TECTA: variants seen among roughly 807,000 people sequenced by gnomAD.
TECTA encodes tectorin alpha.
Under a neutral mutation model 216.8 loss-of-function variants are expected in TECTA, and 128 were observed. That is an observed-to-expected ratio of 0.59 (90% confidence interval 0.51 to 0.68). The LOEUF (loss-of-function observed/expected upper bound fraction) is 0.68. Ranked by LOEUF, TECTA falls within the 30% of genes least tolerant of loss-of-function variation. The pLI, the probability that TECTA is intolerant of heterozygous loss-of-function variation, is 0.00. For missense variants in TECTA, 2,551 were observed against 2,786.2 expected (o/e 0.92, Z 1.90); for synonymous variants, 1,089 against 1,117.1 (o/e 0.97, Z 0.50).
At chr11:121,153,581 C>T (rs895498695) in intron 13 of TECTA, among the ~76,000 whole-genome samples, 2 of 152,302 alleles carry the variant, frequency 1.3e-5, no homozygotes, top group African/African-American at 4.8e-5. Flanking sequence ...CTGTGGCTGC[C>T]ATCTCCACGT....
At chr11:121,155,064 G>T (rs1159941501) in intron 13 of TECTA, among the ~76,000 whole-genome samples, 1 of 152,132 alleles carries the variant, frequency 6.6e-6, no homozygotes, top group Non-Finnish European at 1.5e-5. Flanking sequence ...AGAGAACAAA[G>T]AATCCACATC....
intron 16 of TECTA, among the ~76,000 whole-genome samples, chr11:121,164,683 CTT>C: frequency 6.6e-6 from 1 of 152,080 alleles, no homozygotes; most frequent in Non-Finnish European, 1.5e-5. Context: ...TCCTTTGTCT[CTT>C]TTTACAAAAT....
At chr11:121,174,849 A>G (rs931799819) in intron 20 of TECTA, among the ~76,000 whole-genome samples, 2 of 152,200 alleles carry the variant, frequency 1.3e-5, no homozygotes, top group African/African-American at 4.8e-5. Context: ...TAAGCTATTG[A>G]TTATTTCCAC....
At chr11:121,168,276 G>A in intron 19 of TECTA, 59 bp downstream of exon 19, 1 of 1,608,438 alleles carries the variant, frequency 6.2e-7, no homozygotes, top group Non-Finnish European at 8.5e-7. Context: ...GTTAAGGTTA[G>A]CATAATCAAA....
At chr11:121,177,418 A>T (rs538780849) in intron 20 of TECTA, among the ~76,000 whole-genome samples, 157 of 152,116 alleles carry the variant, frequency 1.0e-3, no homozygotes, top group African/African-American at 3.5e-3. Flanking sequence ...CTGCAGGTCT[A>T]TTGGAGTTTG....
In TECTA at chr11:121,146,042, G is replaced by A; in HGVS notation, c.4031G>A (p.Trp1344Ter). 1 of 1,613,816 alleles carries A rather than the reference G, an allele frequency of 6.2e-7. No homozygotes were observed. Among genetic ancestry groups the A allele is most frequent in the Non-Finnish European group, 8.5e-7 (1 of 1,180,046 alleles). ...DGGAVQTACS[W>*]LQNYASTCQT... ...GGCGCGGTGCAGACCGCCTGCAGCT[G>A]GCTGCAGAACTACGCCAGCACCTGC... Residue 1344 changes from tryptophan to a stop codon, truncating the protein, a stop_gained, in exon 12 of 24, where the codon TGG becomes TAG. Transcript: ENST00000392793. LOFTEE classifies it high-confidence loss of function.
At position 121,105,049 on chromosome 11, in the gene TECTA, G is replaced by T. The variant is rs1303662614; in HGVS notation, c.65-782G>T. ...CAAAACTGAGCCACATCTTGCAACA[G>T]TATGGACGGGAAACCTGGGAGCAGC... is the stretch of plus-strand genomic sequence containing the variant. On this transcript the variant is annotated intron_variant, in intron 2 of 23. Coordinates refer to ENST00000392793, the MANE Select transcript of TECTA (RefSeq NM_005422.4). The surrounding 1 kb of genome is among the most constrained non-coding windows in gnomAD (Gnocchi z 5.3). Among the ~76,000 whole-genome samples the T allele has an allele frequency of 6.6e-6, 1 of 152,172 alleles. No individual in the cohort carries two copies. Among genetic ancestry groups the T allele is most frequent in the African/African-American group, 2.4e-5 (1 of 41,452 alleles).
Position 121,119,016 on chromosome 11 carries a change from C to T in TECTA, c.1203+298C>T, listed in dbSNP as rs1031324024. On this transcript the variant is annotated intron_variant, in intron 7 of 23. Coordinates refer to ENST00000392793, the MANE Select transcript of TECTA (RefSeq NM_005422.4). ...AGGCACACACACACACACACACACA[C>T]ACACACACACACACACACACACAGT... 8.8e-3 allele frequency among the ~76,000 whole-genome samples: 1,313 copies of T among 148,674 alleles called. 25 individuals are homozygous for T. The highest frequency in any genetic ancestry group is 0.03 in the African/African-American group (1,199 of 40,470).
intron 11 of TECTA, among the ~76,000 whole-genome samples, chr11:121,141,428 G>A (rs1591451100): frequency 2.0e-5 from 3 of 152,278 alleles, no homozygotes. Context: ...GCATTGAGCA[G>A]CACCACAGGA....
chr11:121,106,585 G>A (rs1055979641), intron 3 of TECTA, among the ~76,000 whole-genome samples: 3 of 152,140 alleles, frequency 2.0e-5, no homozygotes, highest in Non-Finnish European at 4.4e-5. Context: ...TGGGTTTGCT[G>A]CTAGCGAAAC....
chr11:121,181,450 A>AATTATTATT (rs60183386), intron 20 of TECTA, among the ~76,000 whole-genome samples: 11,486 of 148,172 alleles, frequency 0.078, 624 homozygotes, highest in South Asian at 0.24. Context: ...GTTGCTGGAG[A>AATTATTATT]ATTATTATTA....
At chr11:121,152,785 C>A in intron 12 of TECTA, 96 bp from the exon 13 acceptor site, 1 of 1,316,634 alleles carries the variant, frequency 7.6e-7, no homozygotes, top group Non-Finnish European at 1.1e-6. Context: ...TCTCCCCGTG[C>A]CTTTCATCTC....
intron 18 of TECTA, 26 bp downstream of exon 18, chr11:121,166,806 C>T (rs1198009771): frequency 2.5e-6 from 4 of 1,612,090 alleles, no homozygotes; most frequent in Admixed American, 1.7e-5. Flanking sequence ...GGAAAGAGCA[C>T]CTGGCAGAGG....
At chr11:121,173,070 T>C (rs1453542065) in intron 20 of TECTA, among the ~76,000 whole-genome samples, 1 of 152,080 alleles carries the variant, frequency 6.6e-6, no homozygotes, top group Non-Finnish European at 1.5e-5. Context: ...TTTGAGTTCA[T>C]TGTAGATTCT....
At chr11:121,111,277 T>G (rs1017482192) in intron 4 of TECTA, among the ~76,000 whole-genome samples, 3 of 152,186 alleles carry the variant, frequency 2.0e-5, no homozygotes, top group African/African-American at 7.2e-5. Context: ...AGAGGCCAAG[T>G]ATCTCGTTCA....
chr11:121,189,525 C>T (rs1484514425), intron 22 of TECTA, among the ~76,000 whole-genome samples: 1 of 152,234 alleles, frequency 6.6e-6, no homozygotes, highest in East Asian at 1.9e-4. Flanking sequence ...AGGTGCCCGC[C>T]CCCACGCCCG....
chr11:121,120,597 C>T (rs1383969748), intron 7 of TECTA, among the ~76,000 whole-genome samples: 1 of 152,208 alleles, frequency 6.6e-6, no homozygotes, highest in East Asian at 1.9e-4. Context: ...CCCCCTTCTC[C>T]AGCACTGTCT....
chr11:121,113,523 C>CA lies in TECTA; in HGVS notation c.625-25dup. ...TTAACCCATGGGGAATTTTTGTACT[C>CA]AAAAATCTTGTCTTCCTTTTGTGCT... On this transcript the variant is annotated intron_variant, in intron 5 of 23. Coordinates refer to ENST00000392793, the MANE Select transcript of TECTA (RefSeq NM_005422.4). The surrounding 1 kb of genome is among the most constrained non-coding windows in gnomAD (Gnocchi z 4.2). The CA allele has an allele frequency of 1.2e-6, 2 of 1,613,892 alleles. No homozygotes were observed. Among genetic ancestry groups the CA allele is most frequent in the South Asian group, 2.2e-5 (2 of 91,032 alleles).
At chr11:121,102,631 G>A (rs754200393) in intron 1 of TECTA, 34 bp from the exon 2 acceptor site, 4 of 1,571,360 alleles carry the variant, frequency 2.5e-6, no homozygotes, top group Middle Eastern at 3.4e-4. Flanking sequence ...GGCAAGCTGG[G>A]GATTTTTTTT....
Sources: allele counts gnomAD v4.1 joint callset (sites outside exome capture counted in the v4.1 genomes callset), GRCh38; gene constraint gnomAD v4.1.1; non-coding constraint Gnocchi (gnomAD v3.1); transcripts MANE v1.5; gene names NCBI Gene and HGNC (gene_info 2026-07-23, HGNC 2026-07-21).